The following DOCK7 variants were observed in gnomAD, a reference collection of about 807,000 sequenced individuals.
DOCK7 encodes the protein dedicator of cytokinesis protein 7.
In DOCK7, 138 loss-of-function variants were observed where a neutral mutation model predicts 271.0. The ratio of observed to expected loss-of-function variants is 0.51; its 90% CI spans 0.44 to 0.59. The LOEUF (loss-of-function observed/expected upper bound fraction) is 0.59. DOCK7 is among the 20% of genes least tolerant of loss of function. The pLI is 0.00. For synonymous variants in DOCK7, 823 were observed against 876.1 expected (o/e 0.94, Z 1.07); for missense variants, 2,066 against 2,592.4 (o/e 0.80, Z 4.41).
intron 48 of DOCK7, 35 bp downstream of exon 48, chr1:62,473,947 A>C: frequency 1.9e-6 from 3 of 1,567,208 alleles, no homozygotes; most frequent in Non-Finnish European, 2.6e-6. Flanking sequence ...GGACAGTCTC[A>C]ATTTGAAGAT....
rs1646917760 is a variant in DOCK7 at position 62,505,719 on chromosome 1, T to G, written c.4574A>C (p.Gln1525Pro). ...MACNQSAVYL[Q>P]HCFATQRALV... is the part of the protein sequence containing the mutation. ...GGCTCTCTGTGTAGCAAAACAGTGT[T>G]GTAGATAAACTGCACTTTGGTTACA... Residue 1525 changes from glutamine to proline, a missense_variant, in exon 36 of 50, where the codon CAA becomes CCA. Around this residue, in one of 2 missense-constraint regions of DOCK7, gnomAD observed 652 missense variants for 922.1 expected, o/e 0.71. Coordinates refer to ENST00000635253, the MANE Select transcript of DOCK7 (RefSeq NM_001367561.1). 6.2e-7 allele frequency: 1 copy of G among 1,613,500 alleles called. No homozygotes were observed. The highest frequency in any genetic ancestry group is 1.7e-5 in the Admixed American group (1 of 59,934).
At chr1:62,561,015 G>T (rs970585553) in intron 19 of DOCK7, among the ~76,000 whole-genome samples, 1 of 152,126 alleles carries the variant, frequency 6.6e-6, no homozygotes, top group African/African-American at 2.4e-5. Context: ...CAAACAGAAA[G>T]AGTGACAGAG....
chr1:62,473,416 G>C (rs746915014), intron 48 of DOCK7, among the ~76,000 whole-genome samples: 12 of 152,066 alleles, frequency 7.9e-5, no homozygotes, highest in Non-Finnish European at 1.6e-4. Flanking sequence ...GTAGTTTCAA[G>C]TTAATAAAAT....
intron 31 of DOCK7, among the ~76,000 whole-genome samples, chr1:62,520,941 T>C (rs538718508): frequency 1.3e-5 from 2 of 152,314 alleles, no homozygotes; most frequent in South Asian, 4.1e-4. Flanking sequence ...GATGAGTTCA[T>C]GTCCTTTGCA....
chr1:62,680,475 T>C (rs915824667), intron 1 of DOCK7, among the ~76,000 whole-genome samples: 2 of 151,504 alleles, frequency 1.3e-5, no homozygotes, highest in Non-Finnish European at 3.0e-5. Context: ...GACATAGGCA[T>C]GGGCAAGGAC....
At chr1:62,604,523 C>T (rs1650659158) in intron 14 of DOCK7, 3 of 1,197,940 alleles carry the variant, frequency 2.5e-6, no homozygotes, top group Non-Finnish European at 3.6e-6. Flanking sequence ...ATACATGCAT[C>T]TAAAACACTG....
At chr1:62,559,863 G>A (rs902267082) in intron 19 of DOCK7, among the ~76,000 whole-genome samples, 3 of 152,108 alleles carry the variant, frequency 2.0e-5, no homozygotes, top group African/African-American at 7.2e-5. Context: ...TGCCTCAAAC[G>A]TTTGTGCAAA....
chr1:62,686,167 T>TGACATCATCATCAGAAGTAAGACC (rs1661707921), intron 1 of DOCK7, among the ~76,000 whole-genome samples: 1 of 2,352 alleles, frequency 4.3e-4, no homozygotes, highest in African/African-American at 4.5e-4. Context: ...CTTTTTTTTT[T>TGACATCATCATCAGAAGTAAGACC]TTTTTTTTTT....
intron 31 of DOCK7, chr1:62,516,840 A>G (rs1031094846): frequency 6.6e-6 from 1 of 152,400 alleles, no homozygotes; most frequent in African/African-American, 2.4e-5. Context: ...AAATTCTTCC[A>G]CTATGACCTC....
intron 37 of DOCK7, among the ~76,000 whole-genome samples, chr1:62,501,102 C>A (rs1048475508): frequency 6.6e-6 from 1 of 152,126 alleles, no homozygotes; most frequent in Non-Finnish European, 1.5e-5. Flanking sequence ...AGTCCCAGCA[C>A]TTTGGAAGGC....
At chr1:62,520,439 A>G (rs1364778791) in intron 31 of DOCK7, among the ~76,000 whole-genome samples, 1 of 150,598 alleles carries the variant, frequency 6.6e-6, no homozygotes, top group East Asian at 2.0e-4. Context: ...TGGGCAAAGG[A>G]TATGAACAGA....
chr1:62,594,568 C>T (rs146229421), intron 14 of DOCK7, among the ~76,000 whole-genome samples: 2,636 of 152,068 alleles, frequency 0.017, 76 homozygotes, highest in African/African-American at 0.06. Context: ...CAGTTACTTT[C>T]ATTAACTAAA....
At chr1:62,488,622 T>C in intron 42 of DOCK7, 1 of 263,376 alleles carries the variant, frequency 3.8e-6, no homozygotes, top group Non-Finnish European at 7.4e-6. Flanking sequence ...AATTTTAAAA[T>C]GAGATTCACA....
In DOCK7 at chr1:62,677,550, T is replaced by TA. The variant is rs5774612; in HGVS notation, c.38+10676dup. On this transcript the variant is annotated intron_variant, in intron 1 of 49. Transcript: ENST00000635253. ...ATCTGTCACTTGCAACCCCAGCAAA[T>TA]AAAAAAAAAAAATTCCCATGTAAAA... Among the ~76,000 whole-genome samples, 283 of 142,044 alleles carry TA rather than the reference T, an allele frequency of 2.0e-3. 3 individuals are homozygous for TA. The East Asian group carries it at 0.04, about 20-fold the overall frequency. 93.2% of individuals were successfully genotyped at this position (142,044 alleles called of 152,430 possible). A position where few individuals can be genotyped will look rare whatever the true frequency, so the allele number is the denominator to read the frequency against.
At chr1:62,562,470 C>T (rs896359509) in intron 18 of DOCK7, among the ~76,000 whole-genome samples, 20 of 152,008 alleles carry the variant, frequency 1.3e-4, no homozygotes, top group African/African-American at 4.3e-4. Flanking sequence ...TTGCCTTGGC[C>T]TCCCAAGGTG....
rs761394671 is a variant in DOCK7 at position 62,648,176 on chromosome 1, C to G, written c.662G>C (p.Arg221Pro). ...LDRTPNEEID[R>P]QNDDQRKSNR... ...TGATTTCCTTTGGTCATCATTCTGA[C>G]GGTCTATTTCTTCATTTGGAGTTCG... The change falls in exon 6 of 50, where the codon CGT becomes CCT. Residue 221 changes from arginine (R) to proline (P), a missense_variant. By Grantham distance (103) the Arg-to-Pro change is moderately radical. This residue lies in a region of DOCK7 where 1,414 missense variants were observed against 1,670.4 expected (regional missense o/e 0.85). Transcript: ENST00000635253. 1 of 1,613,410 alleles carries G rather than the reference C, an allele frequency of 6.2e-7. No homozygotes were observed. Among genetic ancestry groups the G allele is most frequent in the East Asian group, 2.2e-5 (1 of 44,816 alleles).
chr1:62,677,510 G>C (rs1389457688), intron 1 of DOCK7, among the ~76,000 whole-genome samples: 1 of 151,944 alleles, frequency 6.6e-6, no homozygotes, highest in African/African-American at 2.4e-5. Context: ...CTTTGTGTGT[G>C]TGCAAAATAA....
At chr1:62,570,213 A>G (rs1236786522) in intron 18 of DOCK7, among the ~76,000 whole-genome samples, 1 of 152,234 alleles carries the variant, frequency 6.6e-6, no homozygotes, top group Middle Eastern at 3.2e-3. Context: ...GTCTCAGGAT[A>G]CAAAATCAAT....
chr1:62,584,212 C>T, intron 15 of DOCK7: 7 of 983,890 alleles, frequency 7.1e-6, no homozygotes, highest in Non-Finnish European at 8.4e-6. Context: ...ACATTTCAAG[C>T]AGGCTCTTTT....
Sources: allele counts gnomAD v4.1 joint callset (sites outside exome capture counted in the v4.1 genomes callset), GRCh38; gene constraint gnomAD v4.1.1; regional missense constraint gnomAD v4.1.1; transcripts MANE v1.5; gene names NCBI Gene and HGNC (gene_info 2026-07-23, HGNC 2026-07-21).